OLFML1: variants seen among roughly 807,000 people sequenced by gnomAD.
OLFML1 encodes olfactomedin like 1, also known as olfactomedin-like protein 1.
In OLFML1, 33 loss-of-function variants were observed where a neutral mutation model predicts 37.3. The ratio of observed to expected loss-of-function variants is 0.88; its 90% CI spans 0.67 to 1.18. The LOEUF (loss-of-function observed/expected upper bound fraction) is 1.18. Ranked by LOEUF, OLFML1 falls within the 50% of genes most tolerant of loss-of-function variation. The pLI is 0.00. For synonymous variants in OLFML1, 186 were observed against 181.3 expected, an observed-to-expected ratio of 1.03 and a Z score of -0.21; for missense variants, 545 against 483.7, an observed-to-expected ratio of 1.13 and a Z score of -1.19.
intron 2 of OLFML1, among the ~76,000 whole-genome samples, chr11:7,489,496 C>T (rs1463748679): frequency 3.3e-5 from 5 of 151,564 alleles, no homozygotes; most frequent in South Asian, 2.1e-4. Context: ...TAATGAGAGA[C>T]CTTGCATGCT....
At chr11:7,487,468 G>T (rs1480300264) in intron 1 of OLFML1, among the ~76,000 whole-genome samples, 1 of 152,184 alleles carries the variant, frequency 6.6e-6, no homozygotes, top group African/African-American at 2.4e-5. Flanking sequence ...TGCCAAATGA[G>T]CTTTAAGTAG....
intron 2 of OLFML1, among the ~76,000 whole-genome samples, chr11:7,502,270 A>G (rs1248390014): frequency 6.6e-6 from 1 of 152,242 alleles, no homozygotes; most frequent in Non-Finnish European, 1.5e-5. Context: ...GAAGGGGAGA[A>G]AGGTAGCAGG....
chr11:7,510,174 C>G lies in OLFML1; in HGVS notation c.1195C>G (p.Leu399Val), dbSNP rs1848843520. The G allele has an allele frequency of 8.1e-6, 13 of 1,606,344 alleles. No individual in the cohort carries two copies. The highest frequency in any genetic ancestry group is 1.1e-5 in the Non-Finnish European group (13 of 1,179,122). ...TTACAAACTCCAGACAAAGAGAAAGCTGCCTCTGAAGTAATGCATTACAGC... is the reference window on the plus strand; with the variant it reads ...TTACAAACTCCAGACAAAGAGAAAGGTGCCTCTGAAGTAATGCATTACAGC... ...IIYKLQTKRKLPLK is the reference protein window; with the variant it reads ...IIYKLQTKRKVPLK The change falls in exon 3 of 3, where the codon CTG becomes GTG. Residue 399 changes from leucine (L) to valine (V), a missense_variant. Coordinates refer to ENST00000329293, the MANE Select transcript of OLFML1 (RefSeq NM_198474.4).
At position 7,509,700 on chromosome 11, in the gene OLFML1, C is replaced by G. The variant is rs199800582; in HGVS notation, c.721C>G (p.Leu241Val). The change falls in exon 3 of 3, where the codon CTG (leucine) becomes GTG (valine). Residue 241 changes from leucine to valine, a missense_variant. Transcript: ENST00000329293. Reference protein sequence around the residue: ...ATSNEIIKYNLQKRTVEDRML... With the variant: ...ATSNEIIKYNVQKRTVEDRML... The stretch of plus-strand genomic sequence containing the variant: ...TTCTAATGAGATAATCAAATATAAC[C>G]TGCAGAAGAGGACTGTGGAAGATCG... 5.6e-6 allele frequency: 9 copies of G among 1,614,228 alleles called. No individual in the cohort carries two copies. The highest frequency in any genetic ancestry group is 6.8e-6 in the Non-Finnish European group (8 of 1,180,030).
intron 2 of OLFML1, among the ~76,000 whole-genome samples, chr11:7,489,557 A>C (rs1364335204): frequency 6.6e-6 from 1 of 152,022 alleles, no homozygotes; most frequent in African/African-American, 2.4e-5. Flanking sequence ...ACCATTGAGC[A>C]ATTTTAAACA....
At position 7,510,999 on chromosome 11, in the gene OLFML1, G is replaced by C. The variant is rs965014544; in HGVS notation, c.*811G>C. On this transcript the variant is annotated 3_prime_UTR_variant, in exon 3 of 3. Transcript: ENST00000329293. ...ACAAGTCTTTACAGCTGTCATTCTA[G>C]AGTTTAGGTGAGTAACACAATTACA... 6.6e-6 allele frequency: 1 copy of C among 152,178 alleles called. No individual in the cohort carries two copies. Among genetic ancestry groups the C allele is most frequent in the Non-Finnish European group, 1.5e-5 (1 of 68,038 alleles). The allele number at this position is 152,178 out of a possible 1,614,324, so 9.4% of individuals were successfully genotyped here. A position where few individuals can be genotyped will look rare whatever the true frequency, so the allele number is the denominator to read the frequency against.
intron 2 of OLFML1, among the ~76,000 whole-genome samples, chr11:7,491,765 G>GTCT: frequency 6.6e-6 from 1 of 152,140 alleles, no homozygotes; most frequent in Non-Finnish European, 1.5e-5. Flanking sequence ...GCATGGCTTA[G>GTCT]CTGGGTCCTC....
intron 2 of OLFML1, among the ~76,000 whole-genome samples, chr11:7,504,555 G>A (rs1197631926): frequency 1.3e-5 from 2 of 152,150 alleles, no homozygotes; most frequent in South Asian, 2.1e-4. Flanking sequence ...CACCATGTAG[G>A]AGACTGCTAC....
intron 2 of OLFML1, among the ~76,000 whole-genome samples, chr11:7,500,225 A>T (rs1186939460): frequency 6.6e-6 from 1 of 152,180 alleles, no homozygotes; most frequent in African/African-American, 2.4e-5. Context: ...ACATTTTCTT[A>T]CGGATGAGAC....
chr11:7,490,195 GC>G (rs1356267909), intron 2 of OLFML1, among the ~76,000 whole-genome samples: 1 of 151,820 alleles, frequency 6.6e-6, no homozygotes, highest in Non-Finnish European at 1.5e-5. Context: ...AGAGGAGGGT[GC>G]CCTGCCTATA....
At chr11:7,504,120 G>C (rs1255696318) in intron 2 of OLFML1, among the ~76,000 whole-genome samples, 1 of 152,086 alleles carries the variant, frequency 6.6e-6, no homozygotes, top group Non-Finnish European at 1.5e-5. Context: ...CTTTTTTATA[G>C]GGTGACGGGA....
chr11:7,501,277 G>A (rs1416670666), intron 2 of OLFML1, among the ~76,000 whole-genome samples: 4 of 152,220 alleles, frequency 2.6e-5, no homozygotes, highest in Non-Finnish European at 5.9e-5. Flanking sequence ...ATGGCCCCCA[G>A]TAGCTCAGTA....
In OLFML1 at chr11:7,485,920, C is replaced by A; in HGVS notation, c.45C>A (p.Phe15Leu). ...LRGASALLVL[F>L]LAAFLPPPQC... Reference sequence around the variant, plus strand: ...GAGCTTCTGCATTGCTGGTTCTGTTCCTTGCAGCTTTTCTGCCCCCGCCGC... The same window carrying A: ...GAGCTTCTGCATTGCTGGTTCTGTTACTTGCAGCTTTTCTGCCCCCGCCGC... Residue 15 changes from phenylalanine (F) to leucine (L), a missense_variant, in exon 1 of 3, where the codon TTC (phenylalanine) becomes TTA (leucine). Coordinates refer to ENST00000329293, the MANE Select transcript of OLFML1 (RefSeq NM_198474.4). 1 of 1,613,902 alleles carries A rather than the reference C, an allele frequency of 6.2e-7. No homozygotes were observed. The highest frequency in any genetic ancestry group is 8.5e-7 in the Non-Finnish European group (1 of 1,179,930).
chr11:7,510,149 T>A lies in OLFML1; in HGVS notation c.1170T>A (p.Ile390=), dbSNP rs759406296. 8 of 1,612,116 alleles carry A rather than the reference T, an allele frequency of 5.0e-6. No individual in the cohort carries two copies. Among genetic ancestry groups the A allele is most frequent in the Non-Finnish European group, 6.8e-6 (8 of 1,179,850 alleles). The change falls in exon 3 of 3, where the codon ATT becomes ATA. Residue 390 remains isoleucine (I), a synonymous_variant. Transcript: ENST00000329293. ...CCTGGAATGAAGGAAACCAGATCAT[T>A]TACAAACTCCAGACAAAGAGAAAGC... ...LYAWNEGNQI[I]YKLQTKRKLP...
chr11:7,487,457 A>C (rs1412584148), intron 1 of OLFML1, among the ~76,000 whole-genome samples: 2 of 152,254 alleles, frequency 1.3e-5, no homozygotes, highest in Admixed American at 1.3e-4. Context: ...TTGATAAACC[A>C]TGCCAAATGA....
chr11:7,486,116 C>A, intron 1 of OLFML1, 112 bp downstream of exon 1: 2 of 1,057,506 alleles, frequency 1.9e-6, no homozygotes, highest in Admixed American at 2.4e-5. Context: ...GCAAATGACA[C>A]ATTGCCAAAG....
intron 2 of OLFML1, among the ~76,000 whole-genome samples, chr11:7,490,508 T>C (rs1454654990): frequency 6.6e-6 from 1 of 152,122 alleles, no homozygotes; most frequent in Non-Finnish European, 1.5e-5. Context: ...GCCCACCAGG[T>C]GTTGAGACTA....
At chr11:7,487,817 TTTAA>T (rs1265536188) in intron 1 of OLFML1, among the ~76,000 whole-genome samples, 46 of 152,218 alleles carry the variant, frequency 3.0e-4, no homozygotes, top group African/African-American at 4.8e-4. Flanking sequence ...ATAGGTATAC[TTTAA>T]TTAGTATCAA....
intron 2 of OLFML1, among the ~76,000 whole-genome samples, chr11:7,502,645 A>G (rs996112451): frequency 2.7e-5 from 4 of 150,214 alleles, no homozygotes; most frequent in African/African-American, 9.8e-5. Flanking sequence ...CTCGCTCTGT[A>G]TCCAGGATGG....
Sources: allele counts gnomAD v4.1 joint callset (sites outside exome capture counted in the v4.1 genomes callset), GRCh38; gene constraint gnomAD v4.1.1; transcripts MANE v1.5; gene names NCBI Gene and HGNC (gene_info 2026-07-23, HGNC 2026-07-21).